The following DNAH17 variants were observed in gnomAD, a reference collection of about 807,000 sequenced individuals.
DNAH17 encodes axonemal beta dynein heavy chain 17.
In DNAH17, 376 loss-of-function variants were observed where a neutral mutation model predicts 485.6. That is an observed-to-expected ratio of 0.77 (90% CI 0.71 to 0.84). The LOEUF (loss-of-function observed/expected upper bound fraction) is 0.84. Ranked by LOEUF, DNAH17 falls within the 40% of genes least tolerant of loss-of-function variation. DNAH17 has a pLI of 0.00. For missense variants in DNAH17, 6,370 were observed against 5,839.3 expected (o/e 1.09, Z -2.96); for synonymous variants, 3,031 against 2,405.9 (o/e 1.26, Z -7.60).
chr17:78,457,452 A>G (rs1171845727), intron 62 of DNAH17, among the ~76,000 whole-genome samples: 1 of 152,168 alleles, frequency 6.6e-6, no homozygotes, highest in Non-Finnish European at 1.5e-5. Context: ...CAAGCACAGG[A>G]AATACCTCAT....
chr17:78,444,741 G>A lies in DNAH17; in HGVS notation c.11391C>T (p.Ala3797=), dbSNP rs745701425. 3.7e-6 allele frequency: 6 copies of A among 1,602,894 alleles called. No homozygotes were observed. Among genetic ancestry groups the A allele is most frequent in the African/African-American group, 2.7e-5 (2 of 73,884 alleles). Residue 3797 remains alanine (A), a synonymous_variant, in exon 71 of 81, where the codon GCC becomes GCT. Transcript: ENST00000389840. ...KNLDSDIEGS[A]KRWKKLVESE... ...ACTCCACCAGCTTTTTCCAGCGCTTGGCAGATCCTTCGATGTCACTGTCCA... is the reference window on the plus strand; with the variant it reads ...ACTCCACCAGCTTTTTCCAGCGCTTAGCAGATCCTTCGATGTCACTGTCCA...
chr17:78,470,846 C>T (rs140250541), intron 54 of DNAH17, among the ~76,000 whole-genome samples: 2 of 152,300 alleles, frequency 1.3e-5, no homozygotes, highest in East Asian at 3.9e-4. Context: ...AACAGGCAAC[C>T]CCCTTTCAGA....
intron 17 of DNAH17, among the ~76,000 whole-genome samples, chr17:78,543,451 C>T (rs929964777): frequency 7.2e-5 from 11 of 152,134 alleles, no homozygotes; most frequent in South Asian, 2.1e-4. Flanking sequence ...CCACCGCGCC[C>T]GGCTAATTTT....
chr17:78,545,783 A>G (rs2091744364), intron 16 of DNAH17, among the ~76,000 whole-genome samples: 1 of 152,110 alleles, frequency 6.6e-6, no homozygotes, highest in African/African-American at 2.4e-5. Flanking sequence ...TTATATAGCT[A>G]TATTAACAAT....
At chr17:78,539,361 T>C (rs1417983378) in intron 18 of DNAH17, among the ~76,000 whole-genome samples, 1 of 152,232 alleles carries the variant, frequency 6.6e-6, no homozygotes, top group Admixed American at 6.5e-5. Flanking sequence ...CAGCCGTATA[T>C]AATCAAGTAG....
intron 44 of DNAH17, among the ~76,000 whole-genome samples, chr17:78,487,335 GA>G (rs2089656425): frequency 6.6e-6 from 1 of 152,334 alleles, no homozygotes; most frequent in Non-Finnish European, 1.5e-5. Context: ...AAAGCTCAGA[GA>G]AGGGGGCCTG....
At chr17:78,522,490 G>T (rs909725109) in intron 25 of DNAH17, 2 of 333,456 alleles carry the variant, frequency 6.0e-6, no homozygotes, top group Non-Finnish European at 1.2e-5. Context: ...GAAGCACAAG[G>T]AGAAAGGGGC....
Position 78,461,540 on chromosome 17 carries a change from C to G in DNAH17, c.9339+4G>C. 6.3e-7 allele frequency: 1 copy of G among 1,579,252 alleles called. No individual in the cohort carries two copies. The highest frequency in any genetic ancestry group is 8.6e-7 in the Non-Finnish European group (1 of 1,163,304). ...TGAAGGCACGCTGGGCTGCCTTCAC[C>G]TACCTTATTGATGACCTCGACCTTG... On this transcript the variant is annotated splice_donor_region_variant and intron_variant, in intron 58 of 80. Coordinates refer to ENST00000389840, the MANE Select transcript of DNAH17 (RefSeq NM_173628.4).
intron 17 of DNAH17, among the ~76,000 whole-genome samples, chr17:78,543,155 C>T (rs1433530635): frequency 4.6e-5 from 7 of 152,218 alleles, no homozygotes; most frequent in Non-Finnish European, 1.5e-5. Flanking sequence ...CACTCTTTCA[C>T]CCAGGCTGGG....
Position 78,461,631 on chromosome 17 carries a change from G to C in DNAH17, c.9252C>G (p.Ile3084Met), listed in dbSNP as rs372107119. ...KQKNESADQL[I>M]QVVGIEAEKV... ...TCTCGGCCTCGATGCCGACCACCTG[G>C]ATCAGTTGGTCTGCGCTCTCATTCT... The change falls in exon 58 of 81, where the codon ATC becomes ATG. Residue 3084 changes from isoleucine to methionine, a missense_variant. Transcript: ENST00000389840. 7.4e-6 allele frequency: 12 copies of C among 1,611,230 alleles called. No homozygotes were observed. Among genetic ancestry groups the C allele is most frequent in the Admixed American group, 3.3e-5 (2 of 59,708 alleles).
chr17:78,461,723 A>ACCGAGAAACAGCAAGTGTGGGCCGCAG lies in DNAH17; in HGVS notation c.9175-42_9175-16dup. The ACCGAGAAACAGCAAGTGTGGGCCGCAG allele has an allele frequency of 6.2e-7, 1 of 1,604,240 alleles. No homozygotes were observed. Among genetic ancestry groups the ACCGAGAAACAGCAAGTGTGGGCCGCAG allele is most frequent in the Non-Finnish European group, 8.5e-7 (1 of 1,175,460 alleles). Reference sequence around the variant, plus strand: ...AAATCATCCACCTGGGGAAGGAGAAACCGAGAAACAGCAAGTGTGGGCCGC... The same window carrying ACCGAGAAACAGCAAGTGTGGGCCGCAG: ...AAATCATCCACCTGGGGAAGGAGAAACCGAGAAACAGCAAGTGTGGGCCGCAGCCGAGAAACAGCAAGTGTGGGCCGC... On this transcript the variant is annotated splice_polypyrimidine_tract_variant and intron_variant, in intron 57 of 80. Coordinates refer to ENST00000389840, the MANE Select transcript of DNAH17 (RefSeq NM_173628.4).
intron 40 of DNAH17, 84 bp downstream of exon 40, chr17:78,494,509 G>T: frequency 7.0e-7 from 1 of 1,428,726 alleles, no homozygotes; most frequent in Non-Finnish European, 9.7e-7. Flanking sequence ...TGTGACACGG[G>T]TCTCCACCCG....
At chr17:78,463,869 G>GTA (rs148974981) in intron 56 of DNAH17, among the ~76,000 whole-genome samples, 7,125 of 151,942 alleles carry the variant, frequency 0.047, 577 homozygotes, top group African/African-American at 0.16. Flanking sequence ...ACATTTCAGG[G>GTA]TATATATATA....
chr17:78,560,435 C>CCTTGACCAGCCAGTG, intron 13 of DNAH17, among the ~76,000 whole-genome samples: 1 of 152,220 alleles, frequency 6.6e-6, no homozygotes, highest in East Asian at 1.9e-4. Flanking sequence ...AGTGTGCCTG[C>CCTTGACCAGCCAGTG]CTTGACCAGC....
At chr17:78,474,860 C>G (rs1459581254) in intron 54 of DNAH17, among the ~76,000 whole-genome samples, 1 of 150,918 alleles carries the variant, frequency 6.6e-6, no homozygotes, top group African/African-American at 2.4e-5. Context: ...GTCATGCGGG[C>G]CGGAAGATTT....
At chr17:78,546,362 C>T (rs1165400263) in intron 16 of DNAH17, among the ~76,000 whole-genome samples, 1 of 152,192 alleles carries the variant, frequency 6.6e-6, no homozygotes, top group Non-Finnish European at 1.5e-5. Flanking sequence ...CATATAACTA[C>T]ATTTTTAAAC....
intron 24 of DNAH17, among the ~76,000 whole-genome samples, chr17:78,525,870 G>T (rs1254202278): frequency 1.3e-5 from 2 of 152,252 alleles, no homozygotes; most frequent in Non-Finnish European, 2.9e-5. Context: ...AGGAAAGGTC[G>T]GATTGGAGCT....
chr17:78,506,696 C>A (rs369847633), intron 30 of DNAH17, 24 bp downstream of exon 30: 4 of 1,613,444 alleles, frequency 2.5e-6, no homozygotes, highest in Non-Finnish European at 3.4e-6. Context: ...GCTTAAACAC[C>A]GGAATGCAAG....
intron 63 of DNAH17, among the ~76,000 whole-genome samples, chr17:78,455,059 G>A (rs550544505): frequency 2.0e-5 from 3 of 152,156 alleles, no homozygotes; most frequent in African/African-American, 4.8e-5. Context: ...ACAGGTGCCC[G>A]CCACCATGCC....
Sources: gnomAD v4.1 joint callset for allele counts (sites outside exome capture counted in the v4.1 genomes callset) on GRCh38, gnomAD v4.1.1 for gene constraint, MANE v1.5 for transcripts, NCBI Gene and HGNC (gene_info 2026-07-23, HGNC 2026-07-21) for gene names.